NRDC: variants seen among roughly 807,000 people sequenced by gnomAD.
NRDC encodes the protein nardilysin convertase.
NRDC carries 54 observed loss-of-function variants against 147.1 expected under a neutral mutation model. The ratio of observed to expected loss-of-function variants is 0.37; its 90% confidence interval spans 0.29 to 0.46. NRDC has a LOEUF of 0.46. Ranked by LOEUF, NRDC falls within the 20% of genes least tolerant of loss-of-function variation. The pLI, the probability that NRDC is intolerant of heterozygous loss-of-function variation, is 1.00. For synonymous variants in NRDC, 440 were observed against 482.1 expected (o/e 0.91, Z 1.14); for missense variants, 1,082 against 1,370.6 (o/e 0.79, Z 3.33).
At chr1:51,856,790 A>G (rs1377631963) in intron 1 of NRDC, among the ~76,000 whole-genome samples, 3 of 152,120 alleles carry the variant, frequency 2.0e-5, no homozygotes, top group Admixed American at 6.6e-5. Context: ...AAGGCAGGGA[A>G]GATTATAGGG....
chr1:51,877,057 G>A (rs1683364567), intron 1 of NRDC, among the ~76,000 whole-genome samples: 1 of 152,066 alleles, frequency 6.6e-6, no homozygotes, highest in Non-Finnish European at 1.5e-5. Context: ...GCGTGGTGGC[G>A]AGCACCTGTA....
intron 1 of NRDC, among the ~76,000 whole-genome samples, chr1:51,864,046 T>C (rs1682682258): frequency 6.6e-6 from 1 of 152,230 alleles, no homozygotes; most frequent in African/African-American, 2.4e-5. Context: ...AAGTGTTGAA[T>C]ATCTCATGTA....
intron 1 of NRDC, among the ~76,000 whole-genome samples, chr1:51,871,039 G>A (rs1467595672): frequency 1.3e-5 from 2 of 151,936 alleles, no homozygotes; most frequent in African/African-American, 2.4e-5. Context: ...ACTCTTGGCC[G>A]GGCGTGGTGC....
intron 1 of NRDC, among the ~76,000 whole-genome samples, chr1:51,851,356 C>T (rs1172350225): frequency 6.6e-6 from 1 of 151,906 alleles, no homozygotes; most frequent in Non-Finnish European, 1.5e-5. Flanking sequence ...TTGTGATTTA[C>T]TTGCTTGAAA....
In NRDC at chr1:51,806,943, C is replaced by A. The variant is rs372906286; in HGVS notation, c.1991-30G>T. 25 of 1,603,394 alleles carry A rather than the reference C, an allele frequency of 1.6e-5. No individual in the cohort carries two copies. In the African/African-American group the frequency reaches 3.1e-4, roughly 20 times the overall value. ...TAAAAGAAGATAATAATAATTCACT[C>A]AAGTATTTCAGCAGGAGCCCCAGTA... On this transcript the variant is annotated intron_variant, in intron 17 of 30. Coordinates refer to ENST00000352171, the MANE Select transcript of NRDC (RefSeq NM_001101662.2).
chr1:51,825,736 T>C (rs1428495773), intron 5 of NRDC, among the ~76,000 whole-genome samples: 1 of 152,252 alleles, frequency 6.6e-6, no homozygotes, highest in Non-Finnish European at 1.5e-5. Context: ...TGGTCATATA[T>C]ATTGTTTAAA....
chr1:51,847,518 G>T (rs767668322), intron 1 of NRDC, among the ~76,000 whole-genome samples: 65 of 152,244 alleles, frequency 4.3e-4, no homozygotes, highest in Non-Finnish European at 6.3e-4. Flanking sequence ...CCCGAGCCCT[G>T]CCCTGCGGGG....
intron 19 of NRDC, among the ~76,000 whole-genome samples, chr1:51,805,184 A>G (rs187420777): frequency 5.6e-4 from 85 of 152,330 alleles, no homozygotes; most frequent in African/African-American, 2.0e-3. Context: ...TACAGAATCA[A>G]CAGATCCATC....
chr1:51,838,866 A>T (rs1219148986), intron 2 of NRDC, among the ~76,000 whole-genome samples: 2 of 152,156 alleles, frequency 1.3e-5, no homozygotes, highest in African/African-American at 4.8e-5. Context: ...CAAGTGACAT[A>T]TATATACCTT....
intron 1 of NRDC, among the ~76,000 whole-genome samples, chr1:51,845,301 T>C (rs1681498013): frequency 6.6e-6 from 1 of 152,078 alleles, no homozygotes; most frequent in African/African-American, 2.4e-5. Context: ...TCATGAAATG[T>C]CTCCTTTTGG....
At chr1:51,845,592 CAAAAAAAAG>C (rs1557926420) in intron 1 of NRDC, among the ~76,000 whole-genome samples, 1 of 149,090 alleles carries the variant, frequency 6.7e-6, no homozygotes, top group Non-Finnish European at 1.5e-5. Context: ...GACTCCGTCA[CAAAAAAAAG>C]AAAAGAAAAG....
intron 2 of NRDC, among the ~76,000 whole-genome samples, chr1:51,839,825 C>G (rs1287376407): frequency 3.3e-5 from 5 of 152,164 alleles, no homozygotes; most frequent in Non-Finnish European, 5.9e-5. Context: ...TTTTCTTCTT[C>G]TTTTTCCAGT....
At chr1:51,820,228 A>T (rs949968634) in intron 8 of NRDC, among the ~76,000 whole-genome samples, 1 of 152,204 alleles carries the variant, frequency 6.6e-6, no homozygotes, top group African/African-American at 2.4e-5. Context: ...ATACTTTTTT[A>T]AAATCAACGA....
At chr1:51,850,013 A>C (rs1681866291) in intron 1 of NRDC, among the ~76,000 whole-genome samples, 1 of 151,966 alleles carries the variant, frequency 6.6e-6, no homozygotes, top group South Asian at 2.1e-4. Flanking sequence ...ACCCTTCGCT[A>C]CTAAAAATAC....
intron 3 of NRDC, 132 bp downstream of exon 3, chr1:51,835,999 T>A (rs1431588506): frequency 1.4e-6 from 1 of 703,796 alleles, no homozygotes; most frequent in Non-Finnish European, 2.4e-6. Flanking sequence ...AATCAAGGAT[T>A]TTTTCTTAGC....
intron 1 of NRDC, chr1:51,859,770 T>C (rs932515293): frequency 6.6e-6 from 1 of 152,314 alleles, no homozygotes; most frequent in Admixed American, 6.5e-5. Flanking sequence ...AAACTTAAAA[T>C]ATTTCTAAGT....
In NRDC at chr1:51,867,201, C is replaced by T. The variant is rs561800380; in HGVS notation, c.341+11074G>A. Among the ~76,000 whole-genome samples, 7 of 151,998 alleles carry T rather than the reference C, an allele frequency of 4.6e-5. No homozygotes were observed. The South Asian group carries it at 1.5e-3, about 32-fold the overall frequency. ...GAAATAAAGTAACCAAAAAAAAAGA[C>T]TGAAAAGTATATCCTTATGTAACAA... is the stretch of plus-strand genomic sequence containing the variant. On this transcript the variant is annotated intron_variant, in intron 1 of 30. Coordinates refer to ENST00000352171, the MANE Select transcript of NRDC (RefSeq NM_001101662.2).
intron 19 of NRDC, 105 bp from the exon 20 acceptor site, chr1:51,804,069 AT>A (rs1679336821): frequency 1.3e-5 from 12 of 957,064 alleles, no homozygotes; most frequent in Admixed American, 8.9e-5. Context: ...GAAAGTATAA[AT>A]TCTCTACTCC....
intron 1 of NRDC, among the ~76,000 whole-genome samples, chr1:51,845,370 A>T (rs1681502511): frequency 6.6e-6 from 1 of 152,194 alleles, no homozygotes; most frequent in African/African-American, 2.4e-5. Flanking sequence ...AGGCGGGCAG[A>T]TCACTTGAGG....
Sources: allele counts gnomAD v4.1 joint callset (sites outside exome capture counted in the v4.1 genomes callset), GRCh38; gene constraint gnomAD v4.1.1; transcripts MANE v1.5; gene names NCBI Gene and HGNC (gene_info 2026-07-23, HGNC 2026-07-21).